KRT25: variants seen among roughly 807,000 people sequenced by gnomAD.
KRT25 encodes keratin, type I cytoskeletal 25.
Under a neutral mutation model 47.6 loss-of-function variants are expected in KRT25, and 37 were observed. The ratio of observed to expected loss-of-function variants is 0.78; its 90% CI spans 0.60 to 1.02. The LOEUF (loss-of-function observed/expected upper bound fraction) is 1.02, where lower values mean the gene tolerates loss of function less well. Among genes scored for constraint, KRT25 ranks in the 50% least tolerant of loss-of-function variants. The probability of loss-of-function intolerance (pLI) is 0.00; values close to 1 mark genes in which losing one functional copy is unlikely to be tolerated. For synonymous variants in KRT25, 203 were observed against 210.2 expected (o/e 0.97, Z 0.30); for missense variants, 542 against 550.3 (o/e 0.98, Z 0.15).
At position 40,752,341 on chromosome 17, in the gene KRT25, C is replaced by T. The variant is rs78127655; in HGVS notation, c.670-1015G>A. 3.1e-3 allele frequency among the ~76,000 whole-genome samples: 465 copies of T among 152,190 alleles called. 13 individuals carry two copies. The East Asian group carries it at 0.075, about 24-fold the overall frequency. On this transcript the variant is annotated intron_variant, in intron 3 of 7. Transcript: ENST00000312150. Reference sequence around the variant, plus strand: ...TTCTAAGATTGTGAATGGTAGGCATCGCTGCGAAGACTGTGTATATTGGAA... The same window carrying T: ...TTCTAAGATTGTGAATGGTAGGCATTGCTGCGAAGACTGTGTATATTGGAA...
intron 7 of KRT25, among the ~76,000 whole-genome samples, chr17:40,748,681 A>G (rs1308014881): frequency 6.6e-6 from 1 of 152,218 alleles, no homozygotes; most frequent in Admixed American, 6.5e-5. Flanking sequence ...AGAACAATCA[A>G]GCTATGCATT....
chr17:40,749,711 A>G (rs918776657), intron 6 of KRT25, among the ~76,000 whole-genome samples: 4 of 152,168 alleles, frequency 2.6e-5, no homozygotes, highest in Non-Finnish European at 5.9e-5. Context: ...ACTCTAGTCA[A>G]TGAGGGAGGG....
chr17:40,748,213 A>T lies in KRT25; in HGVS notation c.*64T>A, dbSNP rs2038013562. The T allele has an allele frequency of 9.4e-7, 1 of 1,060,118 alleles. No homozygotes were observed. The highest frequency in any genetic ancestry group is 1.6e-5 in the African/African-American group (1 of 61,782). 65.7% of individuals were successfully genotyped at this position (1,060,118 alleles called of 1,614,324 possible). ...TTCTTAGACATGCACATTTTTCTGG[A>T]CAGATACATAATGCCTTTTCTTCGC... On this transcript the variant is annotated 3_prime_UTR_variant, in exon 8 of 8. Coordinates refer to ENST00000312150, the MANE Select transcript of KRT25 (RefSeq NM_181534.4).
At chr17:40,751,540 G>T (rs1025842447) in intron 3 of KRT25, among the ~76,000 whole-genome samples, 12 of 152,160 alleles carry the variant, frequency 7.9e-5, no homozygotes, top group Non-Finnish European at 5.9e-5. Context: ...TTCATTCTGG[G>T]AGAGTTTTAA....
At chr17:40,752,623 T>C (rs2038060742) in intron 3 of KRT25, among the ~76,000 whole-genome samples, 1 of 151,468 alleles carries the variant, frequency 6.6e-6, no homozygotes, top group Non-Finnish European at 1.5e-5. Flanking sequence ...TCTATATCTA[T>C]ATATCTATAT....
At chr17:40,752,505 A>G (rs139158214) in intron 3 of KRT25, among the ~76,000 whole-genome samples, 1 of 152,188 alleles carries the variant, frequency 6.6e-6, no homozygotes, top group East Asian at 1.9e-4. Flanking sequence ...CCTGGTTGAA[A>G]CTATGTCTTC....
rs2038024461 is a variant in KRT25 at position 40,749,268 on chromosome 17, A to G, written c.1233T>C (p.Ser411=). The G allele has an allele frequency of 1.2e-6, 2 of 1,612,084 alleles. No individual in the cohort carries two copies. The highest frequency in any genetic ancestry group is 1.7e-5 in the Admixed American group (1 of 59,994). The change falls in exon 7 of 8, where the codon AGT becomes AGC. Residue 411 remains serine, a synonymous_variant. Transcript: ENST00000312150. ...SKDYGSGNVG[S]QVKDPAKAIV... ...TTTCATTTTAATTACCTTTGACTTGACTTCCCACATTTCCAGATCCATAAT... is the reference window on the plus strand; with the variant it reads ...TTTCATTTTAATTACCTTTGACTTGGCTTCCCACATTTCCAGATCCATAAT...
intron 7 of KRT25, among the ~76,000 whole-genome samples, chr17:40,748,654 C>G (rs1469634628): frequency 6.6e-6 from 1 of 151,992 alleles, no homozygotes; most frequent in Non-Finnish European, 1.5e-5. Context: ...GTATTCTTAC[C>G]AAGCCATGGT....
At position 40,754,990 on chromosome 17, in the gene KRT25, C is replaced by T. The variant is rs1193664803; in HGVS notation, c.282G>A (p.Leu94=). ...CCTCCTCCAGAGCATGCACACTGTCCAGGTAGGATGCCAGGCGGTCATTGA... is the reference window on the plus strand; with the variant it reads ...CCTCCTCCAGAGCATGCACACTGTCTAGGTAGGATGCCAGGCGGTCATTGA... ...QNLNDRLASY[L]DSVHALEEAN... The change falls in exon 1 of 8, where the codon CTG becomes CTA. Residue 94 remains leucine (L), a synonymous_variant. Transcript: ENST00000312150. 6.2e-7 allele frequency: 1 copy of T among 1,614,208 alleles called. No individual in the cohort carries two copies.
chr17:40,753,072 C>T (rs1412697351), intron 3 of KRT25, among the ~76,000 whole-genome samples: 1 of 152,068 alleles, frequency 6.6e-6, no homozygotes, highest in Non-Finnish European at 1.5e-5. Flanking sequence ...ACAGCCAGAC[C>T]TATTAAGAAT....
chr17:40,754,988 T>C lies in KRT25; in HGVS notation c.284A>G (p.Asp95Gly). 1.2e-6 allele frequency: 2 copies of C among 1,614,176 alleles called. No individual in the cohort carries two copies. The highest frequency in any genetic ancestry group is 1.7e-6 in the Non-Finnish European group (2 of 1,180,028). ...GGCCTCCTCCAGAGCATGCACACTG[T>C]CCAGGTAGGATGCCAGGCGGTCATT... ...NLNDRLASYL[D>G]SVHALEEANA... Residue 95 changes from aspartate (D) to glycine (G), a missense_variant, in exon 1 of 8, where the codon GAC (aspartate) becomes GGC (glycine). Coordinates refer to ENST00000312150, the MANE Select transcript of KRT25 (RefSeq NM_181534.4).
chr17:40,754,103 T>A, intron 2 of KRT25, 87 bp from the exon 3 acceptor site: 2 of 1,343,248 alleles, frequency 1.5e-6, no homozygotes, highest in Non-Finnish European at 2.1e-6. Context: ...GCTAGCATTC[T>A]GGAATTTTGA....
rs776559722 is a variant in KRT25 at position 40,750,926 on chromosome 17, T to C, written c.957+28A>G. Reference sequence around the variant, plus strand: ...GTATCTAACATGATGACCTGGGAGATGGTGAAAAAAAATTGTTCTTTTCAT... The same window carrying C: ...GTATCTAACATGATGACCTGGGAGACGGTGAAAAAAAATTGTTCTTTTCAT... On this transcript the variant is annotated intron_variant, in intron 5 of 7. Transcript: ENST00000312150. 1.1e-5 allele frequency: 18 copies of C among 1,611,418 alleles called. 1 individual carries two copies. The highest frequency in any genetic ancestry group is 2.2e-5 in the East Asian group (1 of 44,824).
intron 3 of KRT25, among the ~76,000 whole-genome samples, chr17:40,752,482 A>G (rs2038059139): frequency 6.6e-6 from 1 of 152,194 alleles, no homozygotes; most frequent in African/African-American, 2.4e-5. Flanking sequence ...CAGCCATTCC[A>G]GCCTTCTTTC....
rs1292705536 is a variant in KRT25 at position 40,754,503 on chromosome 17, A to G, written c.430-35T>C. 3.3e-6 allele frequency: 5 copies of G among 1,526,474 alleles called. No homozygotes were observed. In the African/African-American group the frequency reaches 6.8e-5, roughly 21 times the overall value. 94.6% of individuals were successfully genotyped at this position (1,526,474 alleles called of 1,614,324 possible). A position where few individuals can be genotyped will look rare whatever the true frequency, so the allele number is the denominator to read the frequency against. ...GGAATTTGACTTTTATCATGAAGTA[A>G]ACCAACTGAATCTACTTAATGCTTA... On this transcript the variant is annotated intron_variant, in intron 1 of 7. Coordinates refer to ENST00000312150, the MANE Select transcript of KRT25 (RefSeq NM_181534.4).
chr17:40,754,298 T>TATACC, intron 2 of KRT25, 88 bp downstream of exon 2: 1 of 1,101,252 alleles, frequency 9.1e-7, no homozygotes, highest in South Asian at 1.3e-5. Context: ...TTCAAGTGTT[T>TATACC]TATAATTTTG....
At chr17:40,749,152 G>A (rs2038023050) in intron 7 of KRT25, 106 bp downstream of exon 7, 1 of 800,846 alleles carries the variant, frequency 1.2e-6, no homozygotes, top group Non-Finnish European at 2.1e-6. Flanking sequence ...AAACCTCCGT[G>A]ACACGTGTTT....
chr17:40,754,518 C>T, intron 1 of KRT25, 50 bp from the exon 2 acceptor site: 1 of 1,445,650 alleles, frequency 6.9e-7, no homozygotes, highest in Non-Finnish European at 9.7e-7. Flanking sequence ...ACTGAATCTA[C>T]TTAATGCTTA....
At chr17:40,754,358 A>G in intron 2 of KRT25, 28 bp downstream of exon 2, 1 of 1,579,638 alleles carries the variant, frequency 6.3e-7, no homozygotes, top group South Asian at 1.1e-5. Context: ...ATTGCCATGA[A>G]TTCATTTCAC....
Sources: gnomAD v4.1 joint callset for allele counts (sites outside exome capture counted in the v4.1 genomes callset) on GRCh38, gnomAD v4.1.1 for gene constraint, MANE v1.5 for transcripts, NCBI Gene and HGNC (gene_info 2026-07-23, HGNC 2026-07-21) for gene names.